Variants in DHDDS observed in about 807,000 individuals in gnomAD.
DHDDS encodes dehydrodolichyl diphosphate synthase subunit.
DHDDS carries 16 observed loss-of-function variants against 46.2 expected under a neutral mutation model. The ratio of observed to expected loss-of-function variants is 0.35; its 90% CI spans 0.23 to 0.53. The LOEUF is 0.53. Among genes scored for constraint, DHDDS ranks in the 20% least tolerant of loss-of-function variants. The pLI is 0.94. For missense variants in DHDDS, 340 were observed against 423.7 expected, an observed-to-expected ratio of 0.80 and a Z score of 1.73; for synonymous variants, 151 against 163.1, an observed-to-expected ratio of 0.93 and a Z score of 0.56.
intron 6 of DHDDS, among the ~76,000 whole-genome samples, chr1:26,456,236 G>A (rs115499247): frequency 0.013 from 1,993 of 152,244 alleles, 34 homozygotes; most frequent in African/African-American, 0.045. Flanking sequence ...GCTGAGCATG[G>A]TGTTGCACAC....
At chr1:26,468,831 C>CAA in intron 8 of DHDDS, 64 bp from the exon 9 acceptor site, 1 of 1,598,322 alleles carries the variant, frequency 6.3e-7, no homozygotes. Context: ...CTACCTCCTC[C>CAA]ATCCCAGTTT....
At chr1:26,455,265 G>T in intron 6 of DHDDS, 1 of 595,798 alleles carries the variant, frequency 1.7e-6, no homozygotes, top group East Asian at 2.8e-5. Flanking sequence ...GAAATTATAT[G>T]GATTGTACAG....
chr1:26,449,240 A>G (rs986321018), intron 6 of DHDDS, among the ~76,000 whole-genome samples: 2 of 151,932 alleles, frequency 1.3e-5, no homozygotes, highest in East Asian at 3.9e-4. Context: ...CTGGGATTAC[A>G]GGCGCCCACC....
At chr1:26,454,590 G>GC (rs1570353187) in intron 6 of DHDDS, 4 of 654,082 alleles carry the variant, frequency 6.1e-6, no homozygotes, top group Non-Finnish European at 5.0e-6. Flanking sequence ...AATGGGCCCT[G>GC]TTTTTTTTTT....
intron 6 of DHDDS, chr1:26,454,786 A>G (rs1221315243): frequency 2.5e-6 from 4 of 1,576,088 alleles, no homozygotes; most frequent in Non-Finnish European, 3.4e-6. Flanking sequence ...GGTTAATCCA[A>G]CCATGAGCTC....
At position 26,446,535 on chromosome 1, in the gene DHDDS, G is replaced by T; in HGVS notation, c.440+103G>T. 2.9e-6 allele frequency: 3 copies of T among 1,046,606 alleles called. No homozygotes were observed. The Admixed American group carries it at 5.2e-5, about 18-fold the overall frequency. 64.8% of individuals were successfully genotyped at this position (1,046,606 alleles called of 1,614,324 possible). A position where few individuals can be genotyped will look rare whatever the true frequency, so the allele number is the denominator to read the frequency against. ...TTCCTTGGTCTGGATTGGTGCAAGGGGCAATGAGAGAGTAGGTTGAGCAGC... is the reference window on the plus strand; with the variant it reads ...TTCCTTGGTCTGGATTGGTGCAAGGTGCAATGAGAGAGTAGGTTGAGCAGC... On this transcript the variant is annotated intron_variant, in intron 5 of 8. Coordinates refer to ENST00000236342, the MANE Select transcript of DHDDS (RefSeq NM_205861.3).
chr1:26,436,674 C>T lies in DHDDS; in HGVS notation c.64-1494C>T, dbSNP rs573440648. ...TCCTGACCTCGTGATCTACCCGCCT[C>T]GGCCTCCCAAAGTGCTGGGATTACA... On this transcript the variant is annotated intron_variant, in intron 2 of 8. Transcript: ENST00000236342. 2.6e-3 allele frequency among the ~76,000 whole-genome samples: 398 copies of T among 151,502 alleles called. 3 individuals carry two copies. The highest frequency in any genetic ancestry group is 0.01 in the Middle Eastern group (3 of 292).
At chr1:26,463,129 T>C (rs2124517894) in intron 8 of DHDDS, among the ~76,000 whole-genome samples, 1 of 152,258 alleles carries the variant, frequency 6.6e-6, no homozygotes, top group South Asian at 2.1e-4. Flanking sequence ...AATCAGGGGA[T>C]GACGGGATCT....
At chr1:26,432,747 G>A (rs1347981369) in intron 1 of DHDDS, 144 bp from the exon 2 acceptor site, 24 of 610,990 alleles carry the variant, frequency 3.9e-5, no homozygotes, top group African/African-American at 7.4e-5. Flanking sequence ...ATAAAACTCT[G>A]GGTGGTAAAA....
intron 5 of DHDDS, among the ~76,000 whole-genome samples, 191 bp from the exon 6 acceptor site, chr1:26,447,368 A>G (rs993579484): frequency 6.6e-6 from 1 of 152,202 alleles, no homozygotes; most frequent in African/African-American, 2.4e-5. Context: ...AAAACTAGTT[A>G]CATGTTTATT....
chr1:26,438,538 A>G (rs1218639097), intron 3 of DHDDS: 1 of 433,192 alleles, frequency 2.3e-6, no homozygotes, highest in Non-Finnish European at 4.3e-6. Context: ...AGCCCGGGTA[A>G]CATAGTCAGA....
chr1:26,433,398 C>T (rs1022714945), intron 2 of DHDDS, among the ~76,000 whole-genome samples: 6 of 151,950 alleles, frequency 3.9e-5, no homozygotes, highest in African/African-American at 1.2e-4. Flanking sequence ...GCCTGTAATC[C>T]CAGCAATTTG....
intron 2 of DHDDS, among the ~76,000 whole-genome samples, chr1:26,433,960 C>T (rs923473746): frequency 2.6e-5 from 4 of 152,106 alleles, no homozygotes; most frequent in African/African-American, 9.7e-5. Flanking sequence ...TCTCGAACTC[C>T]TGACCTCAGG....
At chr1:26,447,350 CTTA>C (rs1331238006) in intron 5 of DHDDS, among the ~76,000 whole-genome samples, 3 of 151,980 alleles carry the variant, frequency 2.0e-5, no homozygotes, top group Non-Finnish European at 4.4e-5. Flanking sequence ...TAGTATTTGT[CTTA>C]TTATAAAACT....
At chr1:26,447,976 T>G in intron 6 of DHDDS, 1 of 568,842 alleles carries the variant, frequency 1.8e-6, no homozygotes, top group Non-Finnish European at 3.1e-6. Context: ...TATTACAACC[T>G]GCTTCAGAAC....
At chr1:26,439,383 C>T (rs2075195471) in intron 3 of DHDDS, among the ~76,000 whole-genome samples, 1 of 151,938 alleles carries the variant, frequency 6.6e-6, no homozygotes, top group Non-Finnish European at 1.5e-5. Context: ...AGTACTGTTT[C>T]AGCCTGGGCA....
Position 26,447,678 on chromosome 1 carries a change from G to A in DHDDS, c.542+18G>A. ...GATCCCAGGTATCCCGAGTTGTTTT[G>A]CATGGTAATTGTTAAGGAAAACAGG... On this transcript the variant is annotated intron_variant, in intron 6 of 8. Transcript: ENST00000236342. 6.2e-7 allele frequency: 1 copy of A among 1,607,568 alleles called. No homozygotes were observed. Among genetic ancestry groups the A allele is most frequent in the Non-Finnish European group, 8.5e-7 (1 of 1,174,182 alleles).
intron 8 of DHDDS, among the ~76,000 whole-genome samples, chr1:26,462,026 AATG>A (rs1367345093): frequency 2.0e-5 from 3 of 151,908 alleles, no homozygotes; most frequent in Non-Finnish European, 4.4e-5. Context: ...ACTTGCTAAT[AATG>A]ATGATGATTA....
chr1:26,467,070 G>T, intron 8 of DHDDS: 1 of 245,916 alleles, frequency 4.1e-6, no homozygotes, highest in Non-Finnish European at 9.1e-6. Context: ...CCTCCTCATT[G>T]GTTAAAGGGC....
Sources: gnomAD v4.1 joint callset for allele counts (sites outside exome capture counted in the v4.1 genomes callset) on GRCh38, gnomAD v4.1.1 for gene constraint, MANE v1.5 for transcripts, NCBI Gene and HGNC (gene_info 2026-07-23, HGNC 2026-07-21) for gene names.